Variants in PSMA3 observed in about 807,000 individuals in gnomAD.
PSMA3 encodes proteasome subunit alpha type-3.
In PSMA3, 8 loss-of-function variants were observed where a neutral mutation model predicts 40.0. That is an observed-to-expected ratio of 0.20 (90% CI 0.12 to 0.36). The LOEUF is 0.36. PSMA3 is among the 10% of genes least tolerant of loss of function. The pLI is 1.00. For synonymous variants in PSMA3, 110 were observed against 100.0 expected (o/e 1.10, Z -0.59); for missense variants, 219 against 310.6 (o/e 0.70, Z 2.22).
At chr14:58,255,186 GT>G (rs5808965) in intron 3 of PSMA3, among the ~76,000 whole-genome samples, 105,266 of 148,392 alleles carry the variant, frequency 0.71, 37,407 homozygotes, top group Middle Eastern at 0.87. Context: ...CTTAGTAGCC[GT>G]TTTTTTTTTT....
At chr14:58,261,050 A>G (rs761465514) in intron 6 of PSMA3, 30 bp downstream of exon 6, 5 of 1,470,992 alleles carry the variant, frequency 3.4e-6, no homozygotes, top group African/African-American at 2.8e-5. Flanking sequence ...TTGAAATTCT[A>G]TTTTAGTTTA....
intron 1 of PSMA3, among the ~76,000 whole-genome samples, chr14:58,247,511 A>G (rs1053152082): frequency 6.6e-6 from 1 of 152,196 alleles, no homozygotes; most frequent in African/African-American, 2.4e-5. Flanking sequence ...GTCTGGGTGA[A>G]AAGTGTTCTG....
In PSMA3 at chr14:58,244,853, G is replaced by T. The variant is rs976197348; in HGVS notation, c.-68G>T. 2 of 1,608,984 alleles carry T rather than the reference G, an allele frequency of 1.2e-6. No homozygotes were observed. The highest frequency in any genetic ancestry group is 1.7e-5 in the Admixed American group (1 of 59,970). The stretch of plus-strand genomic sequence containing the variant: ...ATGAGCGGGCCTGTTACTAGTTTGC[G>T]GCATCCTGTGGTATAGGGGAAGCGC... On this transcript the variant is annotated 5_prime_UTR_variant, in exon 1 of 11. Transcript: ENST00000216455.
At chr14:58,252,981 CT>C (rs1231347254) in intron 3 of PSMA3, among the ~76,000 whole-genome samples, 2,292 of 132,296 alleles carry the variant, frequency 0.017, 25 homozygotes, top group African/African-American at 0.049. Context: ...ATGTCATTTT[CT>C]TTTTTTTTTT....
rs528904052 is a variant in PSMA3, at chr14:58,269,327, G to A, written c.591-1091G>A. Among the ~76,000 whole-genome samples the A allele has an allele frequency of 3.9e-5, 6 of 152,272 alleles. No homozygotes were observed. In the South Asian group the frequency reaches 1.2e-3, roughly 32 times the overall value. ...TACTACAATGTGAAGGCCAGGTTATGTGGCATATATGCCATTATAAAATGG... is the reference window on the plus strand; with the variant it reads ...TACTACAATGTGAAGGCCAGGTTATATGGCATATATGCCATTATAAAATGG... On this transcript the variant is annotated intron_variant, in intron 8 of 10. Coordinates refer to ENST00000216455, the MANE Select transcript of PSMA3 (RefSeq NM_002788.4).
chr14:58,252,264 T>C, intron 3 of PSMA3, 22 bp downstream of exon 3: 1 of 1,598,354 alleles, frequency 6.3e-7, no homozygotes, highest in East Asian at 2.2e-5. Flanking sequence ...TTTAAAATGT[T>C]CCTTTTTGTC....
intron 3 of PSMA3, among the ~76,000 whole-genome samples, chr14:58,254,208 A>G (rs1349245282): frequency 6.6e-6 from 1 of 150,918 alleles, no homozygotes; most frequent in Non-Finnish European, 1.5e-5. Context: ...GAACAGATTT[A>G]TTATTGCCAG....
chr14:58,259,439 T>G (rs957381118), intron 5 of PSMA3, among the ~76,000 whole-genome samples: 2 of 152,218 alleles, frequency 1.3e-5, no homozygotes, highest in African/African-American at 4.8e-5. Flanking sequence ...CTCAACCTCC[T>G]GAGTAGCAGG....
chr14:58,257,141 T>C (rs1233224614), intron 3 of PSMA3, among the ~76,000 whole-genome samples: 1 of 149,662 alleles, frequency 6.7e-6, no homozygotes, highest in Non-Finnish European at 1.5e-5. Flanking sequence ...AGACCCATGG[T>C]TTTTATTCGT....
At chr14:58,263,915 G>C (rs1215630444) in intron 7 of PSMA3, 145 bp downstream of exon 7, 6 of 658,572 alleles carry the variant, frequency 9.1e-6, no homozygotes, top group South Asian at 1.9e-5. Context: ...ACTAATGATA[G>C]CTGATGAGCT....
At chr14:58,249,698 G>T (rs1011081345) in intron 2 of PSMA3, among the ~76,000 whole-genome samples, 2 of 151,850 alleles carry the variant, frequency 1.3e-5, no homozygotes, top group East Asian at 2.0e-4. Flanking sequence ...TAGAGACAGG[G>T]TTTCACCATG....
intron 8 of PSMA3, 146 bp from the exon 9 acceptor site, chr14:58,270,272 G>A: frequency 8.6e-7 from 1 of 1,167,992 alleles, no homozygotes; most frequent in Non-Finnish European, 1.2e-6. Flanking sequence ...CTTCTCTAAT[G>A]TTAAATACTA....
At chr14:58,260,798 T>C (rs1890260084) in intron 5 of PSMA3, 150 bp from the exon 6 acceptor site, 2 of 510,554 alleles carry the variant, frequency 3.9e-6, no homozygotes, top group African/African-American at 2.0e-5. Flanking sequence ...TTTTAATTAA[T>C]TGAAACCACT....
chr14:58,259,417 C>G (rs1257852142), intron 5 of PSMA3, among the ~76,000 whole-genome samples: 1 of 152,114 alleles, frequency 6.6e-6, no homozygotes, highest in African/African-American at 2.4e-5. Context: ...CGGGTTCAAG[C>G]TATTCTCCTG....
chr14:58,268,253 T>C (rs1040925172), intron 8 of PSMA3: 1 of 152,182 alleles, frequency 6.6e-6, no homozygotes, highest in African/African-American at 2.4e-5. Flanking sequence ...GATTCAAAAG[T>C]TATGGATAAT....
intron 10 of PSMA3, 59 bp from the exon 11 acceptor site, chr14:58,271,792 C>A: frequency 7.9e-7 from 1 of 1,260,626 alleles, no homozygotes; most frequent in Non-Finnish European, 1.2e-6. Flanking sequence ...AACTTGCCCA[C>A]AGGTGTGGGA....
chr14:58,258,131 AAC>A (rs140273752), intron 5 of PSMA3, 133 bp downstream of exon 5: 42,818 of 692,468 alleles, frequency 0.062, 1,633 homozygotes, highest in South Asian at 0.091. Context: ...GATTAAATAA[AAC>A]AGTGTACATA....
rs765741175 is a variant in PSMA3, at chr14:58,263,774, ATAAT to A, written c.543+9_543+12del. The stretch of plus-strand genomic sequence containing the variant: ...GACGGAAATAGAGAAGCTTCAGGTA[ATAAT>A]TAATGCTTGAATTTTTACTATGTCG... On this transcript the variant is annotated splice_donor_5th_base_variant and intron_variant, in intron 7 of 10. Transcript: ENST00000216455. 2.2e-5 allele frequency: 36 copies of A among 1,612,998 alleles called. No homozygotes were observed. Among genetic ancestry groups the A allele is most frequent in the South Asian group, 2.2e-4 (20 of 91,068 alleles).
chr14:58,271,123 C>G (rs1163085579), intron 10 of PSMA3, 125 bp downstream of exon 10: 1 of 515,166 alleles, frequency 1.9e-6, no homozygotes, highest in African/African-American at 2.0e-5. Flanking sequence ...AAAAAAAATT[C>G]TCTAACCAAA....
Sources: allele counts gnomAD v4.1 joint callset (sites outside exome capture counted in the v4.1 genomes callset), GRCh38; gene constraint gnomAD v4.1.1; transcripts MANE v1.5; gene names NCBI Gene and HGNC (gene_info 2026-07-23, HGNC 2026-07-21).